SNAP25: variants seen among roughly 807,000 people sequenced by gnomAD.
SNAP25 encodes the protein synaptosome associated protein 25.
Under a neutral mutation model 28.7 loss-of-function variants are expected in SNAP25, and 3 were observed. The ratio of observed to expected loss-of-function variants is 0.10; its 90% CI spans 0.05 to 0.27. SNAP25 has a LOEUF of 0.27. Ranked by LOEUF, SNAP25 falls within the 10% of genes least tolerant of loss-of-function variation. The pLI is 1.00. For synonymous variants in SNAP25, 61 were observed against 88.1 expected (o/e 0.69, Z 1.72); for missense variants, 117 against 278.7 (o/e 0.42, Z 4.13).
chr20:10,298,163 A>T (rs2064155908), intron 6 of SNAP25, among the ~76,000 whole-genome samples: 1 of 152,064 alleles, frequency 6.6e-6, no homozygotes, highest in Admixed American at 6.5e-5. Flanking sequence ...TTGAACCAGA[A>T]TCTCTTGAAG....
chr20:10,265,223 G>A (rs2063487196), intron 1 of SNAP25, among the ~76,000 whole-genome samples: 1 of 152,160 alleles, frequency 6.6e-6, no homozygotes, highest in Non-Finnish European at 1.5e-5. Flanking sequence ...ATAACAAGGA[G>A]CCAAGTCCAT....
intron 3 of SNAP25, among the ~76,000 whole-genome samples, chr20:10,283,421 G>T (rs1167582277): frequency 1.3e-5 from 2 of 152,174 alleles, no homozygotes; most frequent in Non-Finnish European, 2.9e-5. Flanking sequence ...AAGGACTCCT[G>T]AGGCCACCCT....
At chr20:10,297,090 G>A (rs200135840) in intron 6 of SNAP25, 40 bp downstream of exon 6, 2 of 1,508,188 alleles carry the variant, frequency 1.3e-6, no homozygotes, top group African/African-American at 1.4e-5. Context: ...GTTCTCTATT[G>A]TCAAGTACAA....
At chr20:10,280,338 A>G (rs572895141) in intron 3 of SNAP25, among the ~76,000 whole-genome samples, 9 of 152,244 alleles carry the variant, frequency 5.9e-5, no homozygotes, top group Non-Finnish European at 1.2e-4. Context: ...AATGAATGCC[A>G]TAGATAGGTA....
intron 1 of SNAP25, among the ~76,000 whole-genome samples, chr20:10,235,635 A>G (rs1295364794): frequency 6.6e-6 from 1 of 152,208 alleles, no homozygotes; most frequent in Non-Finnish European, 1.5e-5. Context: ...CCCAAAACTC[A>G]GTGGTTTAAA....
chr20:10,243,713 A>G (rs888331083), intron 1 of SNAP25, among the ~76,000 whole-genome samples: 1 of 152,220 alleles, frequency 6.6e-6, no homozygotes, highest in Non-Finnish European at 1.5e-5. Context: ...CAGTAGATCC[A>G]TATGACATTA....
rs1186061746 is a variant in SNAP25 at position 10,293,653 on chromosome 20, G to T, written c.281+375G>T. On this transcript the variant is annotated intron_variant, in intron 5 of 7. Transcript: ENST00000254976. The surrounding 1 kb of genome is among the most constrained non-coding windows in gnomAD (Gnocchi z 5.6). The stretch of plus-strand genomic sequence containing the variant: ...GAAAAGGCTGCGGGTAAGTTTGGAA[G>T]ATGAGAAACACATATGCGAAGGTTT... Among the ~76,000 whole-genome samples the T allele has an allele frequency of 6.6e-6, 1 of 152,196 alleles. No individual in the cohort carries two copies. Among genetic ancestry groups the T allele is most frequent in the Non-Finnish European group, 1.5e-5 (1 of 68,032 alleles).
intron 5 of SNAP25, 100 bp from the exon 6 acceptor site, chr20:10,296,825 C>T (rs2064122286): frequency 1.3e-6 from 2 of 1,566,940 alleles, no homozygotes; most frequent in African/African-American, 2.7e-5. Context: ...CGACTTAAAA[C>T]TCATTCGCTT....
chr20:10,299,896 T>C (rs1019703451), intron 7 of SNAP25, among the ~76,000 whole-genome samples: 2 of 152,204 alleles, frequency 1.3e-5, no homozygotes. Flanking sequence ...ATGGTTAGTA[T>C]TAATAGTTTG....
chr20:10,230,705 CT>C (rs2062814465), intron 1 of SNAP25, among the ~76,000 whole-genome samples: 1 of 152,170 alleles, frequency 6.6e-6, no homozygotes, highest in Admixed American at 6.5e-5. Context: ...CAAACTGAGC[CT>C]GTTGAGGATG....
intron 1 of SNAP25, among the ~76,000 whole-genome samples, chr20:10,246,534 C>T (rs555704102): frequency 1.1e-4 from 16 of 152,254 alleles, no homozygotes; most frequent in Admixed American, 2.0e-4. Context: ...TATGGCTACC[C>T]ACCATCCCCA....
chr20:10,270,243 A>G (rs2122962282), intron 1 of SNAP25, among the ~76,000 whole-genome samples: 1 of 152,280 alleles, frequency 6.6e-6, no homozygotes, highest in South Asian at 2.1e-4. Context: ...AACAAGAGCG[A>G]AACTCTATCT....
intron 4 of SNAP25, among the ~76,000 whole-genome samples, chr20:10,290,953 A>AG (rs2063984865): frequency 1.3e-5 from 2 of 152,164 alleles, no homozygotes; most frequent in Non-Finnish European, 2.9e-5. Flanking sequence ...ATTTACCTTG[A>AG]TCTACAGACT....
At chr20:10,233,943 T>G (rs2062871877) in intron 1 of SNAP25, among the ~76,000 whole-genome samples, 1 of 152,184 alleles carries the variant, frequency 6.6e-6, no homozygotes, top group Non-Finnish European at 1.5e-5. Flanking sequence ...CTCCCAACTC[T>G]ATTAACAATT....
At chr20:10,235,287 C>A (rs2062899213) in intron 1 of SNAP25, among the ~76,000 whole-genome samples, 2 of 152,066 alleles carry the variant, frequency 1.3e-5, no homozygotes, top group African/African-American at 4.8e-5. Flanking sequence ...TATAGGAAAC[C>A]AATTTTATTG....
chr20:10,231,960 G>T (rs1349022618), intron 1 of SNAP25, among the ~76,000 whole-genome samples: 2 of 152,164 alleles, frequency 1.3e-5, no homozygotes, highest in African/African-American at 4.8e-5. Flanking sequence ...CCAGCTATAA[G>T]TGGTTTTGGC....
chr20:10,291,227 C>G (rs2063991545), intron 4 of SNAP25, among the ~76,000 whole-genome samples: 1 of 152,136 alleles, frequency 6.6e-6, no homozygotes, highest in Admixed American at 6.5e-5. Context: ...GCGCATGCCA[C>G]CACGCCCAGA....
At position 10,224,894 on chromosome 20, in the gene SNAP25, T is replaced by C. The variant is rs76143003; in HGVS notation, c.-64+5917T>C. Among the ~76,000 whole-genome samples, 1,518 of 151,944 alleles carry C rather than the reference T, an allele frequency of 1.0e-2. 23 individuals are homozygous for C. The highest frequency in any genetic ancestry group is 0.034 in the African/African-American group (1,419 of 41,440). Reference sequence around the variant, plus strand: ...TCTTGATCATCTCGTGTGTCTGACTTAGCAATGTATTAGCTGCAGTTCCCT... The same window carrying C: ...TCTTGATCATCTCGTGTGTCTGACTCAGCAATGTATTAGCTGCAGTTCCCT... On this transcript the variant is annotated intron_variant, in intron 1 of 7. Coordinates refer to ENST00000254976, the MANE Select transcript of SNAP25 (RefSeq NM_130811.4).
intron 1 of SNAP25, among the ~76,000 whole-genome samples, chr20:10,266,711 A>G (rs759892689): frequency 1.1e-4 from 16 of 152,226 alleles, no homozygotes; most frequent in Non-Finnish European, 1.5e-4. Flanking sequence ...ATAATGCACT[A>G]TGAAAAGGTA....
Sources: allele counts gnomAD v4.1 joint callset (sites outside exome capture counted in the v4.1 genomes callset), GRCh38; gene constraint gnomAD v4.1.1; non-coding constraint Gnocchi (gnomAD v3.1); transcripts MANE v1.5; gene names NCBI Gene and HGNC (gene_info 2026-07-23, HGNC 2026-07-21).